The following PALLD variants were observed in gnomAD, a reference collection of about 807,000 sequenced individuals.
The protein encoded by PALLD is palladin, cytoskeletal associated protein, also known as palladin.
In PALLD, 61 loss-of-function variants were observed where a neutral mutation model predicts 123.5. The ratio of observed to expected loss-of-function variants is 0.49; its 90% CI spans 0.40 to 0.61. PALLD has a LOEUF of 0.61. PALLD is among the 20% of genes least tolerant of loss of function. The pLI is 0.00. For synonymous variants in PALLD, 465 were observed against 496.4 expected, an observed-to-expected ratio of 0.94 and a Z score of 0.84; for missense variants, 1,273 against 1,377.0, an observed-to-expected ratio of 0.92 and a Z score of 1.20.
At chr4:168,880,782 T>C (rs1752502300) in intron 10 of PALLD, among the ~76,000 whole-genome samples, 2 of 152,264 alleles carry the variant, frequency 1.3e-5, no homozygotes, top group Non-Finnish European at 1.5e-5. Context: ...TTGCCATATA[T>C]ATCAAGTACC....
At chr4:168,604,304 T>C (rs1202633605) in intron 2 of PALLD, among the ~76,000 whole-genome samples, 2 of 152,224 alleles carry the variant, frequency 1.3e-5, no homozygotes, top group Non-Finnish European at 2.9e-5. Flanking sequence ...ATATCCATTA[T>C]CTTTATGTTT....
intron 2 of PALLD, among the ~76,000 whole-genome samples, chr4:168,664,447 A>G (rs1376874618): frequency 6.6e-6 from 1 of 152,228 alleles, no homozygotes; most frequent in Non-Finnish European, 1.5e-5. Context: ...CAGCAACCGC[A>G]TATGGCAAAA....
At chr4:168,851,344 T>C (rs987508991) in intron 10 of PALLD, among the ~76,000 whole-genome samples, 1 of 152,170 alleles carries the variant, frequency 6.6e-6, no homozygotes, top group Non-Finnish European at 1.5e-5. Flanking sequence ...CGTAGATTTT[T>C]TGCATTCATT....
At chr4:168,916,150 C>T (rs994681166) in intron 17 of PALLD, 123 bp downstream of exon 17, 1 of 952,144 alleles carries the variant, frequency 1.1e-6, no homozygotes, top group Non-Finnish European at 1.7e-6. Context: ...CAGTGGCTCA[C>T]ACCTATAATC....
intron 1 of PALLD, among the ~76,000 whole-genome samples, 180 bp downstream of exon 1, chr4:168,497,374 A>G (rs1316905354): frequency 2.6e-5 from 4 of 152,224 alleles, no homozygotes; most frequent in African/African-American, 9.6e-5. Context: ...CCAAAAACAG[A>G]TAATACGTAA....
chr4:168,872,506 C>G (rs998027739), intron 10 of PALLD, among the ~76,000 whole-genome samples: 2 of 152,178 alleles, frequency 1.3e-5, no homozygotes, highest in African/African-American at 4.8e-5. Context: ...TAATCCCAAG[C>G]AGTAATCAAT....
At chr4:168,860,035 A>G (rs753742893) in intron 10 of PALLD, among the ~76,000 whole-genome samples, 18 of 152,236 alleles carry the variant, frequency 1.2e-4, no homozygotes, top group Non-Finnish European at 1.9e-4. Flanking sequence ...TCAAGCACTT[A>G]ATAGCTACAT....
chr4:168,867,583 C>T (rs1048403445), intron 10 of PALLD, among the ~76,000 whole-genome samples: 54 of 152,202 alleles, frequency 3.5e-4, no homozygotes, highest in Non-Finnish European at 6.9e-4. Context: ...TCATTCTAGT[C>T]TTACTTTCCA....
chr4:168,728,330 A>G (rs115234934), intron 10 of PALLD, among the ~76,000 whole-genome samples: 1,939 of 152,206 alleles, frequency 0.013, 39 homozygotes, highest in African/African-American at 0.044. Context: ...GATCTTTCCA[A>G]TCCATTAGCA....
intron 8 of PALLD, among the ~76,000 whole-genome samples, chr4:168,695,520 G>T (rs1208369800): frequency 2.0e-5 from 3 of 152,168 alleles, no homozygotes; most frequent in Non-Finnish European, 2.9e-5. Flanking sequence ...AACTAGTTCA[G>T]AATTTCAACA....
chr4:168,780,055 T>A (rs553621113), intron 10 of PALLD, among the ~76,000 whole-genome samples: 1 of 151,922 alleles, frequency 6.6e-6, no homozygotes, highest in Non-Finnish European at 1.5e-5. Context: ...TGTGCCACCA[T>A]GCCCGACTAA....
chr4:168,881,999 G>A (rs922900844), intron 10 of PALLD, among the ~76,000 whole-genome samples: 13 of 152,132 alleles, frequency 8.5e-5, no homozygotes, highest in Non-Finnish European at 1.9e-4. Flanking sequence ...TCACATTCTT[G>A]GAATCTGTGC....
intron 10 of PALLD, among the ~76,000 whole-genome samples, chr4:168,890,084 A>G (rs1035669245): frequency 3.3e-5 from 5 of 152,104 alleles, no homozygotes; most frequent in Admixed American, 6.5e-5. Flanking sequence ...CCACTGCCCT[A>G]TGAGGGAAGA....
intron 2 of PALLD, among the ~76,000 whole-genome samples, chr4:168,620,612 C>T (rs1393185653): frequency 6.6e-6 from 1 of 152,084 alleles, no homozygotes; most frequent in Non-Finnish European, 1.5e-5. Flanking sequence ...TAACTTTGTG[C>T]ACTATGTAGA....
chr4:168,624,520 T>C (rs1333455866), intron 2 of PALLD, among the ~76,000 whole-genome samples: 1 of 152,112 alleles, frequency 6.6e-6, no homozygotes, highest in Non-Finnish European at 1.5e-5. Context: ...ACTGAAGCCA[T>C]TTCCATTAAA....
At chr4:168,528,671 C>A (rs1764301466) in intron 2 of PALLD, among the ~76,000 whole-genome samples, 1 of 152,152 alleles carries the variant, frequency 6.6e-6, no homozygotes, top group African/African-American at 2.4e-5. Context: ...TTATTAACAC[C>A]AAAAGTTGGC....
intron 10 of PALLD, among the ~76,000 whole-genome samples, chr4:168,853,221 A>G (rs1358286049): frequency 1.3e-5 from 2 of 152,204 alleles, no homozygotes. Context: ...CCATGTGTGT[A>G]CAGACATTTT....
In PALLD at chr4:168,784,084, G is replaced by A. The variant is rs79722823; in HGVS notation, c.1964+72161G>A. On this transcript the variant is annotated intron_variant, in intron 10 of 21. Transcript: ENST00000505667. Reference sequence around the variant, plus strand: ...ACAATAATGAGACCCCATCTCTACAGAATATTAAAAAAAATTTTGGTCTGA... The same window carrying A: ...ACAATAATGAGACCCCATCTCTACAAAATATTAAAAAAAATTTTGGTCTGA... 8.0e-3 allele frequency among the ~76,000 whole-genome samples: 1,210 copies of A among 152,128 alleles called. 6 individuals are homozygous for A. Among genetic ancestry groups the A allele is most frequent in the Middle Eastern group, 0.024 (7 of 294 alleles).
At chr4:168,663,081 G>A (rs1779276822) in intron 2 of PALLD, among the ~76,000 whole-genome samples, 1 of 152,182 alleles carries the variant, frequency 6.6e-6, no homozygotes, top group African/African-American at 2.4e-5. Context: ...TATTTGTTCA[G>A]TCCTTTCTTC....
Sources: gnomAD v4.1 joint callset for allele counts (sites outside exome capture counted in the v4.1 genomes callset) on GRCh38, gnomAD v4.1.1 for gene constraint, MANE v1.5 for transcripts, NCBI Gene and HGNC (gene_info 2026-07-23, HGNC 2026-07-21) for gene names.